NID2: variants seen among roughly 807,000 people sequenced by gnomAD.
The protein encoded by NID2 is nidogen-2.
NID2 carries 83 observed loss-of-function variants against 145.4 expected under a neutral mutation model. The observed-to-expected ratio is 0.57, with a 90% CI of 0.48 to 0.69. The LOEUF (loss-of-function observed/expected upper bound fraction) is 0.69, where lower values mean the gene tolerates loss of function less well. Ranked by LOEUF, NID2 falls within the 30% of genes least tolerant of loss-of-function variation. The pLI is 0.00. For missense variants in NID2, 1,807 were observed against 1,765.7 expected, an observed-to-expected ratio of 1.02 and a Z score of -0.42; for synonymous variants, 739 against 701.3, an observed-to-expected ratio of 1.05 and a Z score of -0.85.
intron 5 of NID2, among the ~76,000 whole-genome samples, chr14:52,046,314 C>G: frequency 1.0e-5 from 1 of 96,352 alleles, no homozygotes; most frequent in African/African-American, 4.5e-5. Flanking sequence ...CAGAGAGAGA[C>G]TCCATCTCAA....
intron 16 of NID2, among the ~76,000 whole-genome samples, chr14:52,013,026 C>T (rs967624326): frequency 6.6e-6 from 1 of 152,238 alleles, no homozygotes; most frequent in Non-Finnish European, 1.5e-5. Flanking sequence ...AGGTCAACTA[C>T]ACTTTTATTT....
intron 6 of NID2, among the ~76,000 whole-genome samples, chr14:52,042,551 C>T (rs562090571): frequency 1.7e-4 from 26 of 152,270 alleles, no homozygotes; most frequent in African/African-American, 5.8e-4. Flanking sequence ...TACTCCACTA[C>T]ACTTTGGCTC....
intron 16 of NID2, among the ~76,000 whole-genome samples, chr14:52,013,719 T>A (rs1951275284): frequency 6.6e-6 from 1 of 152,092 alleles, no homozygotes; most frequent in African/African-American, 2.4e-5. Context: ...GAAGGCTCCA[T>A]CCACTCCTCT....
intron 14 of NID2, among the ~76,000 whole-genome samples, chr14:52,017,526 C>T (rs1891255751): frequency 6.6e-6 from 1 of 151,898 alleles, no homozygotes; most frequent in Admixed American, 6.6e-5. Context: ...GTTCCCCCCC[C>T]TTTAAAATCT....
chr14:52,040,938 C>T, intron 7 of NID2, 87 bp from the exon 8 acceptor site: 1 of 1,161,894 alleles, frequency 8.6e-7, no homozygotes, highest in Non-Finnish European at 1.3e-6. Flanking sequence ...CCAATTTCTA[C>T]TGCTGTTGGA....
In NID2 at chr14:52,035,878, A is replaced by T. The variant is rs2453951; in HGVS notation, c.2257+2869T>A. ...TGTGTATATATATATATATATATATATGTTTTATTTTGTAGAGACAGGGTT... is the reference window on the plus strand; with the variant it reads ...TGTGTATATATATATATATATATATTTGTTTTATTTTGTAGAGACAGGGTT... On this transcript the variant is annotated intron_variant, in intron 9 of 21. Coordinates refer to ENST00000216286, the MANE Select transcript of NID2 (RefSeq NM_007361.4). 1.2e-3 allele frequency among the ~76,000 whole-genome samples: 160 copies of T among 135,158 alleles called. 13 individuals are homozygous for T. The highest frequency in any genetic ancestry group is 3.6e-3 in the Middle Eastern group (1 of 276). 88.7% of individuals were successfully genotyped at this position (135,158 alleles called of 152,430 possible).
rs760411223 is a variant in NID2, at chr14:52,019,942, GC to G, written c.2794+116del. 8.6e-4 allele frequency: 1,200 copies of G among 1,402,242 alleles called. 9 individuals carry two copies. Among genetic ancestry groups the G allele is most frequent in the South Asian group, 8.2e-4 (59 of 71,746 alleles). 86.9% of individuals were successfully genotyped at this position (1,402,242 alleles called of 1,614,324 possible). A position where few individuals can be genotyped will look rare whatever the true frequency, so the allele number is the denominator to read the frequency against. ...AGGTAACCAAGGAAAAAAATCCACA[GC>G]TTGGAAAATCCACCAAGGCTCCAGA... On this transcript the variant is annotated intron_variant, in intron 13 of 21. Transcript: ENST00000216286.
chr14:52,014,032 A>G (rs1220708189), intron 16 of NID2: 3 of 540,336 alleles, frequency 5.6e-6, no homozygotes, highest in East Asian at 3.3e-5. Flanking sequence ...TGACAACTCT[A>G]AAGTTCCCTT....
At chr14:52,016,770 C>A (rs920431543) in intron 14 of NID2, among the ~76,000 whole-genome samples, 2 of 152,210 alleles carry the variant, frequency 1.3e-5, no homozygotes, top group African/African-American at 4.8e-5. Context: ...CATTTCATGT[C>A]ACTCCGTTCA....
chr14:52,014,495 G>A (rs781097658), intron 15 of NID2, 39 bp from the exon 16 acceptor site: 3 of 1,565,694 alleles, frequency 1.9e-6, no homozygotes, highest in East Asian at 4.6e-5. Context: ...AGGGGAACAA[G>A]GGCAGGCAGG....
Position 52,019,120 on chromosome 14 carries a change from T to C in NID2, c.2969A>G (p.Glu990Gly). Residue 990 changes from glutamate (E) to glycine (G), a missense_variant, in exon 14 of 22, where the codon GAA becomes GGA. Coordinates refer to ENST00000216286, the MANE Select transcript of NID2 (RefSeq NM_007361.4). ...AGGTGGAGTCTGGGTACCAGGAACT[T>C]CATGACCATCAGGGTCCACGCACCA... ...FCWCVDPDGHEVPGTQTPPGS... is the reference protein window; with the variant it reads ...FCWCVDPDGHGVPGTQTPPGS... The C allele has an allele frequency of 6.2e-7, 1 of 1,614,114 alleles. No individual in the cohort carries two copies. Among genetic ancestry groups the C allele is most frequent in the Admixed American group, 1.7e-5 (1 of 60,016 alleles).
intron 8 of NID2, among the ~76,000 whole-genome samples, chr14:52,040,028 C>T (rs1429042865): frequency 6.6e-6 from 1 of 152,216 alleles, no homozygotes; most frequent in Non-Finnish European, 1.5e-5. Context: ...GCAACCTCCA[C>T]TTCCCAGGTT....
chr14:52,023,006 TGTG>T (rs1891457712), intron 12 of NID2, among the ~76,000 whole-genome samples: 1 of 152,236 alleles, frequency 6.6e-6, no homozygotes, highest in South Asian at 2.1e-4. Flanking sequence ...CTGTATGGCA[TGTG>T]GTGAACCCAC....
At chr14:52,049,803 C>G (rs1892628333) in intron 5 of NID2, among the ~76,000 whole-genome samples, 1 of 152,164 alleles carries the variant, frequency 6.6e-6, no homozygotes. Flanking sequence ...TGGCATGACA[C>G]TAACAGGCTC....
At position 52,053,924 on chromosome 14, in the gene NID2, C is replaced by A. The variant is rs548310993; in HGVS notation, c.1084G>T (p.Asp362Tyr). 54 of 1,613,598 alleles carry A rather than the reference C, an allele frequency of 3.3e-5. No homozygotes were observed. The highest frequency in any genetic ancestry group is 1.5e-4 in the Admixed American group (9 of 59,924). Residue 362 changes from aspartate to tyrosine, a missense_variant, in exon 5 of 22, where the codon GAT becomes TAT. Transcript: ENST00000216286. The stretch of plus-strand genomic sequence containing the variant: ...GATGTTCCTTCTTTGGTGTGAGGAT[C>A]CAAGGTGGAAGATTCTGTTTCAGGA... ...TKPLEESSTL[D>Y]PHTKEGTSLG... is the part of the protein sequence containing the mutation.
intron 3 of NID2, among the ~76,000 whole-genome samples, chr14:52,055,857 G>A (rs1319864671): frequency 1.3e-5 from 2 of 152,080 alleles, no homozygotes. Flanking sequence ...CTTCATTTGG[G>A]TGGGTACTCA....
intron 5 of NID2, among the ~76,000 whole-genome samples, chr14:52,046,016 G>C (rs957463545): frequency 6.6e-6 from 1 of 152,146 alleles, no homozygotes; most frequent in Non-Finnish European, 1.5e-5. Context: ...AAGGCAATCT[G>C]CTATAGGTCT....
At chr14:52,019,861 C>T (rs74049337) in intron 13 of NID2, among the ~76,000 whole-genome samples, 198 bp downstream of exon 13, 15,402 of 152,152 alleles carry the variant, frequency 0.1, 821 homozygotes, top group Non-Finnish European at 0.11. Context: ...GGTCGTCTCC[C>T]GCAGGCCTCC....
At chr14:52,027,398 C>G in intron 11 of NID2, 54 bp from the exon 12 acceptor site, 1 of 1,428,252 alleles carries the variant, frequency 7.0e-7, no homozygotes, top group South Asian at 1.5e-5. Context: ...AAAGGATGAG[C>G]CTCACTCCTC....
Sources: allele counts gnomAD v4.1 joint callset (sites outside exome capture counted in the v4.1 genomes callset), GRCh38; gene constraint gnomAD v4.1.1; transcripts MANE v1.5; gene names NCBI Gene and HGNC (gene_info 2026-07-23, HGNC 2026-07-21).